DUOX2: variants seen among roughly 807,000 people sequenced by gnomAD.
The protein encoded by DUOX2 is dual oxidase 2.
Under a neutral mutation model 183.3 loss-of-function variants are expected in DUOX2, and 185 were observed. The observed-to-expected ratio is 1.01, with a 90% confidence interval of 0.90 to 1.14. The LOEUF is 1.14. DUOX2 is among the 50% of genes most tolerant of loss of function. The pLI is 0.00. For synonymous variants in DUOX2, 788 were observed against 812.4 expected, an observed-to-expected ratio of 0.97 and a Z score of 0.51; for missense variants, 1,999 against 2,022.9, an observed-to-expected ratio of 0.99 and a Z score of 0.23.
In DUOX2 at chr15:45,111,440, A is replaced by G. The variant is rs769362407; in HGVS notation, c.659T>C (p.Leu220Pro). 44 of 1,538,762 alleles carry G rather than the reference A, an allele frequency of 2.9e-5. No homozygotes were observed. The South Asian group carries it at 5.2e-4, about 18-fold the overall frequency. The stretch of plus-strand genomic sequence containing the variant: ...GGCGGGGTCGGGCGCCGCCCACATG[A>G]GCAGGGGGTTCTGCGAGTCTCGGGG... ...AFPRDSQNPLLMWAAPDPATG... is the reference protein window; with the variant it reads ...AFPRDSQNPLPMWAAPDPATG... Residue 220 changes from leucine (L) to proline (P), a missense_variant, in exon 6 of 34, where the codon CTC (leucine) becomes CCC (proline). By Grantham distance (98) the Leu-to-Pro change is moderately conservative. Transcript: ENST00000389039.
In DUOX2 at chr15:45,108,919, G is replaced by A. The variant is rs201197899; in HGVS notation, c.1268C>T (p.Thr423Ile). The A allele has an allele frequency of 1.4e-4, 220 of 1,614,230 alleles. 1 individual carries two copies. The highest frequency in any genetic ancestry group is 6.7e-4 in the East Asian group (30 of 44,882). The change falls in exon 12 of 34, where the codon ACA becomes ATA. Residue 423 changes from threonine to isoleucine, a missense_variant. Physicochemically the swap from Thr to Ile is moderately conservative, Grantham distance 89. Transcript: ENST00000389039. Reference sequence around the variant, plus strand: ...TTGGATGCTGCTGGCCACATAGTCTGTACGGGAGAATTTGCCAGGGCCAGG... The same window carrying A: ...TTGGATGCTGCTGGCCACATAGTCTATACGGGAGAATTTGCCAGGGCCAGG... ...YWPGPGKFSR[T>I]DYVASSIQRG... is the part of the protein sequence containing the mutation.
At position 45,111,386 on chromosome 15, in the gene DUOX2, T is replaced by C; in HGVS notation, c.713A>G (p.Tyr238Cys). 1 of 1,446,566 alleles carries C rather than the reference T, an allele frequency of 6.9e-7. No homozygotes were observed. The highest frequency in any genetic ancestry group is 9.1e-7 in the Non-Finnish European group (1 of 1,103,150). The allele number at this position is 1,446,566 out of a possible 1,614,324, so 89.6% of individuals were successfully genotyped here. A position where few individuals can be genotyped will look rare whatever the true frequency, so the allele number is the denominator to read the frequency against. Residue 238 changes from tyrosine (Y) to cysteine (C), a missense_variant and splice_region_variant, in exon 6 of 34, where the codon TAC (tyrosine) becomes TGC (cysteine). Tyr to Cys is a radical substitution (Grantham distance 194). Coordinates refer to ENST00000389039, the MANE Select transcript of DUOX2 (RefSeq NM_001363711.2). The stretch of plus-strand genomic sequence containing the variant: ...CCGTCCCGCCCCTGTGGCCTCACCG[T>C]ACAGCCCCCGGGGCCCGTTCTGCCC... ...ATGQNGPRGL[Y>C]AFGAERGNRE...
intron 29 of DUOX2, 33 bp from the exon 30 acceptor site, chr15:45,096,093 A>G (rs556838205): frequency 6.3e-7 from 1 of 1,579,598 alleles, no homozygotes; most frequent in African/African-American, 1.3e-5. Context: ...AGCACAGATG[A>G]GAAGGCCTGC....
chr15:45,108,264 G>A (rs766417555), intron 12 of DUOX2, 42 bp from the exon 13 acceptor site: 1 of 1,608,368 alleles, frequency 6.2e-7, no homozygotes, highest in South Asian at 1.1e-5. Flanking sequence ...TATGTTTGCT[G>A]CGGAGGGCAG....
rs1893942880 is a variant in DUOX2, at chr15:45,097,681, T to C, written c.3626A>G (p.His1209Arg). 10 of 1,613,706 alleles carry C rather than the reference T, an allele frequency of 6.2e-6. No homozygotes were observed. The highest frequency in any genetic ancestry group is 7.6e-6 in the Non-Finnish European group (9 of 1,179,960). ...GCCCCGGAAGCTGCGGCGGCGGAAG[T>C]GGTGGGAGGCGAAGACATACATGAT... ...LAIMYVFASH[H>R]FRRRSFRGFW... The change falls in exon 28 of 34, where the codon CAC becomes CGC. Residue 1209 changes from histidine (H) to arginine (R), a missense_variant. This residue lies in a region of DUOX2 where 1,628 missense variants were observed against 1,608.6 expected (regional missense o/e 1.01). Transcript: ENST00000389039.
chr15:45,108,913 T>C lies in DUOX2; in HGVS notation c.1274A>G (p.Tyr425Cys), dbSNP rs1290833382. The C allele has an allele frequency of 6.2e-7, 1 of 1,614,216 alleles. No individual in the cohort carries two copies. The highest frequency in any genetic ancestry group is 8.5e-7 in the Non-Finnish European group (1 of 1,180,032). The stretch of plus-strand genomic sequence containing the variant: ...GCCACGTTGGATGCTGCTGGCCACA[T>C]AGTCTGTACGGGAGAATTTGCCAGG... ...PGPGKFSRTD[Y>C]VASSIQRGRD... Residue 425 changes from tyrosine (Y) to cysteine (C), a missense_variant, in exon 12 of 34, where the codon TAT (tyrosine) becomes TGT (cysteine). Tyr to Cys is a radical substitution (Grantham distance 194). Coordinates refer to ENST00000389039, the MANE Select transcript of DUOX2 (RefSeq NM_001363711.2).
chr15:45,101,576 G>C (rs745700541), intron 21 of DUOX2: 65 of 652,918 alleles, frequency 1.0e-4, no homozygotes, highest in Non-Finnish European at 1.7e-4. Flanking sequence ...TGAGCAGTGT[G>C]TAGGATAGAT....
Position 45,100,554 on chromosome 15 carries a change from G to C in DUOX2, c.3005+201C>G, listed in dbSNP as rs1207325298. ...CCTTACTATCATCCTGTTGAGCCAG[G>C]ACCCTTGCCTGAAGAATGGGGTGCA... On this transcript the variant is annotated intron_variant, in intron 23 of 33. Coordinates refer to ENST00000389039, the MANE Select transcript of DUOX2 (RefSeq NM_001363711.2). 6 of 651,202 alleles carry C rather than the reference G, an allele frequency of 9.2e-6. No homozygotes were observed. The East Asian group carries it at 1.4e-4, about 15-fold the overall frequency. 40.3% of individuals were successfully genotyped at this position (651,202 alleles called of 1,614,324 possible).
chr15:45,113,113 T>C lies in DUOX2; in HGVS notation c.71-37A>G, dbSNP rs758905734. On this transcript the variant is annotated intron_variant, in intron 2 of 33. Coordinates refer to ENST00000389039, the MANE Select transcript of DUOX2 (RefSeq NM_001363711.2). ...GAGAAGGGCCTCCTCAGCACTACGCTCCCAGCTACCCCTCCCGAGCAACGA... is the reference window on the plus strand; with the variant it reads ...GAGAAGGGCCTCCTCAGCACTACGCCCCCAGCTACCCCTCCCGAGCAACGA... The C allele has an allele frequency of 1.3e-5, 20 of 1,597,448 alleles. 2 individuals carry two copies. The highest frequency in any genetic ancestry group is 1.1e-4 in the East Asian group (5 of 44,088).
chr15:45,094,954 G>T lies in DUOX2; in HGVS notation c.4377C>A (p.Asp1459Glu), dbSNP rs1295171340. The T allele has an allele frequency of 1.8e-5, 29 of 1,613,960 alleles. No individual in the cohort carries two copies. The highest frequency in any genetic ancestry group is 2.4e-5 in the Non-Finnish European group (28 of 1,179,994). The change falls in exon 32 of 34, where the codon GAC becomes GAA. Residue 1459 changes from aspartate (D) to glutamate (E), a missense_variant. Asp to Glu is a conservative substitution (Grantham distance 45, BLOSUM62 2). Coordinates refer to ENST00000389039, the MANE Select transcript of DUOX2 (RefSeq NM_001363711.2). ...IYVTQLAEKF[D>E]LRTTMLYICE... ...GACATACTAGCATGGTGGTCCTGAGGTCGAACTTCTCAGCCAGCTGGGTGA... is the reference window on the plus strand; with the variant it reads ...GACATACTAGCATGGTGGTCCTGAGTTCGAACTTCTCAGCCAGCTGGGTGA...
chr15:45,111,627 G>T, intron 5 of DUOX2, 42 bp from the exon 6 acceptor site: 1 of 1,494,324 alleles, frequency 6.7e-7, no homozygotes. Context: ...GAGAGGCGGC[G>T]GCGGGCCAGG....
At position 45,095,608 on chromosome 15, in the gene DUOX2, G is replaced by A; in HGVS notation, c.4081-13C>T. ...CATCAAGGTACAGCTGCCAAGAGAG[G>A]GGGGAGATGAAATGAGCCTGACCCT... On this transcript the variant is annotated splice_polypyrimidine_tract_variant and intron_variant, in intron 30 of 33. Transcript: ENST00000389039. The A allele has an allele frequency of 6.2e-7, 1 of 1,614,194 alleles. No homozygotes were observed. The highest frequency in any genetic ancestry group is 8.5e-7 in the Non-Finnish European group (1 of 1,180,034).
chr15:45,097,343 T>G lies in DUOX2; in HGVS notation c.3742A>C (p.Ile1248Leu). 6.2e-7 allele frequency: 1 copy of G among 1,614,230 alleles called. No homozygotes were observed. The highest frequency in any genetic ancestry group is 8.5e-7 in the Non-Finnish European group (1 of 1,180,042). Residue 1248 changes from isoleucine to leucine, a missense_variant, in exon 29 of 34, where the codon ATC (isoleucine) becomes CTC (leucine). Ile to Leu is a conservative substitution (Grantham distance 5, BLOSUM62 2). Around this residue, in one of 3 missense-constraint regions of DUOX2, gnomAD observed 1,628 missense variants for 1,608.6 expected, o/e 1.01. Transcript: ENST00000389039. The part of the protein sequence containing the change: ...YALIQLPTFH[I>L]YFLVPAIIYG... ...ATGATTGCCGGGACCAGGAAGTAGA[T>G]GTGGAAAGTGGGCAGCTGGATCAGA...
At position 45,105,633 on chromosome 15, in the gene DUOX2, G is replaced by A. The variant is rs73406330; in HGVS notation, c.2334+10C>T. ...CTGGACCCATCTCCAAAAGGCACAG[G>A]TCATGGCACCTGAGCAAAAAGGTGT... On this transcript the variant is annotated intron_variant, in intron 18 of 33. Coordinates refer to ENST00000389039, the MANE Select transcript of DUOX2 (RefSeq NM_001363711.2). 0.089 allele frequency: 142,901 copies of A among 1,613,860 alleles called. 9,543 individuals carry two copies. The highest frequency in any genetic ancestry group is 0.35 in the African/African-American group (26,294 of 74,910).
At chr15:45,110,819 A>C in intron 7 of DUOX2, 109 bp from the exon 8 acceptor site, 1 of 1,533,032 alleles carries the variant, frequency 6.5e-7, no homozygotes, top group Non-Finnish European at 8.9e-7. Context: ...GGAAGGGTCA[A>C]TCATGGGAGA....
At chr15:45,107,661 T>C (rs1894255351) in intron 13 of DUOX2, among the ~76,000 whole-genome samples, 198 bp from the exon 14 acceptor site, 1 of 151,856 alleles carries the variant, frequency 6.6e-6, no homozygotes, top group African/African-American at 2.4e-5. Flanking sequence ...CTGACCAGCA[T>C]AGTGAAACCC....
chr15:45,097,602 G>A lies in DUOX2; in HGVS notation c.3693+12C>T, dbSNP rs2141141897. 3 of 1,614,238 alleles carry A rather than the reference G, an allele frequency of 1.9e-6. No individual in the cohort carries two copies. Among genetic ancestry groups the A allele is most frequent in the Non-Finnish European group, 2.5e-6 (3 of 1,180,044 alleles). ...TCCCTGCTCCATGGGCTGGCCCAGG[G>A]AAGTCCCTCACCAGGGCATAGAGCA... On this transcript the variant is annotated intron_variant, in intron 28 of 33. Coordinates refer to ENST00000389039, the MANE Select transcript of DUOX2 (RefSeq NM_001363711.2).
At position 45,108,874 on chromosome 15, in the gene DUOX2, A is replaced by G; in HGVS notation, c.1313T>C (p.Leu438Pro). The G allele has an allele frequency of 1.2e-6, 2 of 1,614,248 alleles. No individual in the cohort carries two copies. Among genetic ancestry groups the G allele is most frequent in the Non-Finnish European group, 1.7e-6 (2 of 1,180,040 alleles). Residue 438 changes from leucine to proline, a missense_variant, in exon 12 of 34, where the codon CTG becomes CCG. Leu to Pro is a moderately conservative substitution (Grantham distance 98). Around this residue, in one of 3 missense-constraint regions of DUOX2, gnomAD observed 1,628 missense variants for 1,608.6 expected, o/e 1.01. Transcript: ENST00000389039. The stretch of plus-strand genomic sequence containing the variant: ...CAGCAGGGCCTGGCTATAGCTGGGC[A>G]GCCCCATATCTCGGCCACGTTGGAT... ...SSIQRGRDMG[L>P]PSYSQALLAF... is the part of the protein sequence containing the mutation.
chr15:45,097,902 G>A (rs1289086739), intron 27 of DUOX2, 107 bp downstream of exon 27: 2 of 1,545,566 alleles, frequency 1.3e-6, no homozygotes, highest in African/African-American at 2.7e-5. Flanking sequence ...TTGTCCTGAA[G>A]GCTAGAAACA....
Sources: allele counts gnomAD v4.1 joint callset (sites outside exome capture counted in the v4.1 genomes callset), GRCh38; gene constraint gnomAD v4.1.1; regional missense constraint gnomAD v4.1.1; transcripts MANE v1.5; gene names NCBI Gene and HGNC (gene_info 2026-07-23, HGNC 2026-07-21).